IGSF10: variants seen among roughly 807,000 people sequenced by gnomAD.
IGSF10 encodes the protein calvaria mechanical force protein 608.
IGSF10 carries 126 observed loss-of-function variants against 128.2 expected under a neutral mutation model. The observed-to-expected ratio is 0.98, with a 90% confidence interval of 0.85 to 1.14. IGSF10 has a LOEUF of 1.14. IGSF10 is among the 50% of genes most tolerant of loss of function. IGSF10 has a pLI of 0.00. For missense variants in IGSF10, 3,295 were observed against 3,149.8 expected (o/e 1.05, Z -1.10); for synonymous variants, 1,185 against 1,146.2 (o/e 1.03, Z -0.68).
At chr3:151,524,642 A>C in the IGSF10 span, among the ~76,000 whole-genome samples, 1 of 152,092 alleles carries the variant, frequency 6.6e-6, no homozygotes, top group Non-Finnish European at 1.5e-5. Context: ...TGGAGGGTGG[A>C]AGGAGGGAGA....
intron 2 of IGSF10, among the ~76,000 whole-genome samples, chr3:151,459,345 A>G (rs1210042046): frequency 6.6e-6 from 1 of 152,116 alleles, no homozygotes; most frequent in Non-Finnish European, 1.5e-5. Flanking sequence ...ATGTTTTTTC[A>G]TTTTATTAAA....
At chr3:151,583,273 G>T in the IGSF10 span, among the ~76,000 whole-genome samples, 1 of 151,582 alleles carries the variant, frequency 6.6e-6, no homozygotes, top group South Asian at 2.1e-4. Flanking sequence ...TTCTAGAGAT[G>T]AATACCCATA....
At chr3:151,510,798 C>T in the IGSF10 span, among the ~76,000 whole-genome samples, 2 of 152,122 alleles carry the variant, frequency 1.3e-5, no homozygotes, top group South Asian at 4.1e-4. Context: ...AACCACGGCA[C>T]AAGAACCACG....
At chr3:151,547,423 T>TAC in the IGSF10 span, among the ~76,000 whole-genome samples, 4 of 85,144 alleles carry the variant, frequency 4.7e-5, no homozygotes, top group African/African-American at 1.0e-4. Flanking sequence ...TATATAAATA[T>TAC]ATATATACAC....
chr3:151,451,448 A>G (rs944759848), intron 5 of IGSF10, among the ~76,000 whole-genome samples: 1 of 152,146 alleles, frequency 6.6e-6, no homozygotes, highest in Non-Finnish European at 1.5e-5. Context: ...GTTCATCTGT[A>G]TGTCCCCAGC....
chr3:151,527,726 G>A, the IGSF10 span, among the ~76,000 whole-genome samples: 1 of 152,078 alleles, frequency 6.6e-6, no homozygotes, highest in Non-Finnish European at 1.5e-5. Context: ...GAGGTGAAAG[G>A]ATTATTTGAG....
In IGSF10 at chr3:151,445,003, T is replaced by C. The variant is rs779962008; in HGVS notation, c.4978A>G (p.Ile1660Val). Residue 1660 changes from isoleucine (I) to valine (V), a missense_variant, in exon 6 of 8, where the codon ATT (isoleucine) becomes GTT (valine). Physicochemically the swap from Ile to Val is conservative, Grantham distance 29 (BLOSUM62 3). Transcript: ENST00000282466. ...IVGGKAASFTIPANSDAFLPC... is the reference protein window; with the variant it reads ...IVGGKAASFTVPANSDAFLPC... ...AGAAAGGCATCTGAGTTAGCTGGAA[T>C]AGTAAAACTTGCAGCTTTTCCTCCA... 4 of 1,614,084 alleles carry C rather than the reference T, an allele frequency of 2.5e-6. No homozygotes were observed. The highest frequency in any genetic ancestry group is 3.4e-6 in the Non-Finnish European group (4 of 1,179,916).
At chr3:151,461,236 A>G (rs537915316), upstream of IGSF10, 1 of 985,188 alleles carries the variant, frequency 1.0e-6, no homozygotes, top group South Asian at 4.7e-5. Context: ...TCTCCTAGCA[A>G]GTTGGCAGGT....
the IGSF10 span, among the ~76,000 whole-genome samples, chr3:151,537,576 G>A: frequency 6.6e-6 from 1 of 152,064 alleles, no homozygotes; most frequent in African/African-American, 2.4e-5. Flanking sequence ...CCGAAATAGG[G>A]TTTATACTAT....
At chr3:151,438,698 G>T in intron 7 of IGSF10, 101 bp from the exon 8 acceptor site, 1 of 788,392 alleles carries the variant, frequency 1.3e-6, no homozygotes, top group Non-Finnish European at 2.0e-6. Flanking sequence ...ATTGAAGCAT[G>T]ACCAATGAAA....
the IGSF10 span, among the ~76,000 whole-genome samples, chr3:151,574,973 G>A: frequency 3.9e-5 from 6 of 152,156 alleles, no homozygotes; most frequent in Admixed American, 6.5e-5. Flanking sequence ...TCACAGTCAG[G>A]TCCCTCAGCT....
chr3:151,437,798 A>C lies in IGSF10; in HGVS notation c.6763T>G (p.Ser2255Ala). 1 of 1,613,794 alleles carries C rather than the reference A, an allele frequency of 6.2e-7. No homozygotes were observed. The highest frequency in any genetic ancestry group is 8.5e-7 in the Non-Finnish European group (1 of 1,179,954). Residue 2255 changes from serine (S) to alanine (A), a missense_variant, in exon 8 of 8, where the codon TCC (serine) becomes GCC (alanine). Transcript: ENST00000282466. ...TVIKATAVRH[S>A]KKHFDCRAEG... is the part of the protein sequence containing the mutation. Reference sequence around the variant, plus strand: ...GCTCTGCAGTCAAAGTGTTTTTTGGAATGTCTCACAGCTGTGGCTTTAATA... The same window carrying C: ...GCTCTGCAGTCAAAGTGTTTTTTGGCATGTCTCACAGCTGTGGCTTTAATA...
rs1362123085 is a variant in IGSF10 at position 151,437,771 on chromosome 3, C to T, written c.6790G>A (p.Glu2264Lys). ...ATGACTTCAGGAGATGGTGTCCCTT[C>T]AGCTCTGCAGTCAAAGTGTTTTTTG... Reference protein sequence around the residue: ...HSKKHFDCRAEGTPSPEVMWI... With the variant: ...HSKKHFDCRAKGTPSPEVMWI... Residue 2264 changes from glutamate (E) to lysine (K), a missense_variant, in exon 8 of 8, where the codon GAA (glutamate) becomes AAA (lysine). Coordinates refer to ENST00000282466, the MANE Select transcript of IGSF10 (RefSeq NM_178822.5). 6.2e-7 allele frequency: 1 copy of T among 1,613,900 alleles called. No individual in the cohort carries two copies. Among genetic ancestry groups the T allele is most frequent in the East Asian group, 2.2e-5 (1 of 44,876 alleles).
At chr3:151,486,879 G>T in the IGSF10 span, among the ~76,000 whole-genome samples, 1 of 152,306 alleles carries the variant, frequency 6.6e-6, no homozygotes, top group African/African-American at 2.4e-5. Context: ...ACAAGCGAAA[G>T]CATGAAAGTT....
chr3:151,589,200 G>C, the IGSF10 span, among the ~76,000 whole-genome samples: 8 of 152,286 alleles, frequency 5.3e-5, no homozygotes, highest in East Asian at 1.5e-3. Flanking sequence ...TTGTTAGCTT[G>C]TTAGCTTGTT....
rs1024056931 is a variant in IGSF10, at chr3:151,443,970, A to T, written c.5063-86T>A. ...AGCTATCGTTTTTTGGGCTACTAAGAATACATTTAAATTAAAATGAAAGCC... is the reference window on the plus strand; with the variant it reads ...AGCTATCGTTTTTTGGGCTACTAAGTATACATTTAAATTAAAATGAAAGCC... On this transcript the variant is annotated intron_variant, in intron 6 of 7. Coordinates refer to ENST00000282466, the MANE Select transcript of IGSF10 (RefSeq NM_178822.5). 37 of 1,024,976 alleles carry T rather than the reference A, an allele frequency of 3.6e-5. No individual in the cohort carries two copies. In the Middle Eastern group the frequency reaches 9.8e-4, roughly 27 times the overall value. 63.5% of individuals were successfully genotyped at this position (1,024,976 alleles called of 1,614,324 possible). A position where few individuals can be genotyped will look rare whatever the true frequency, so the allele number is the denominator to read the frequency against.
chr3:151,451,284 A>G (rs4680443), intron 5 of IGSF10, among the ~76,000 whole-genome samples: 113,790 of 151,720 alleles, frequency 0.75, 42,845 homozygotes, highest in Middle Eastern at 0.95. Context: ...ATCATCCTTC[A>G]GAACCCAGTC....
chr3:151,499,816 AG>A, the IGSF10 span: 2 of 152,132 alleles, frequency 1.3e-5, no homozygotes, highest in African/African-American at 4.8e-5. Context: ...TGGGCCCTGC[AG>A]GCAAAGAAAT....
At chr3:151,596,630 A>C in the IGSF10 span, among the ~76,000 whole-genome samples, 1 of 151,998 alleles carries the variant, frequency 6.6e-6, no homozygotes, top group African/African-American at 2.4e-5. Context: ...CCCAATCCCT[A>C]AGGTATCTTG....
Sources: gnomAD v4.1 joint callset for allele counts (sites outside exome capture counted in the v4.1 genomes callset) on GRCh38, gnomAD v4.1.1 for gene constraint, MANE v1.5 for transcripts, NCBI Gene and HGNC (gene_info 2026-07-23, HGNC 2026-07-21) for gene names.